Variants in EPHB1 observed in about 807,000 individuals in gnomAD.
EPHB1 encodes the protein EPH receptor B1.
EPHB1 carries 30 observed loss-of-function variants against 94.4 expected under a neutral mutation model. The ratio of observed to expected loss-of-function variants is 0.32; its 90% CI spans 0.24 to 0.43. EPHB1 has a LOEUF of 0.43. EPHB1 is among the 20% of genes least tolerant of loss of function. The pLI, the probability that EPHB1 is intolerant of heterozygous loss-of-function variation, is 1.00. For synonymous variants in EPHB1, 522 were observed against 489.1 expected (o/e 1.07, Z -0.89); for missense variants, 1,055 against 1,308.3 (o/e 0.81, Z 2.99).
intron 1 of EPHB1, among the ~76,000 whole-genome samples, chr3:134,892,412 G>C (rs1308949956): frequency 6.6e-6 from 1 of 152,196 alleles, no homozygotes; most frequent in Non-Finnish European, 1.5e-5. Flanking sequence ...TCCCAGGCTG[G>C]GATGCATACT....
chr3:135,171,789 T>C (rs1418513182), intron 9 of EPHB1, among the ~76,000 whole-genome samples: 1 of 152,220 alleles, frequency 6.6e-6, no homozygotes, highest in Non-Finnish European at 1.5e-5. Flanking sequence ...ACTTACTCTG[T>C]TAAACACTTT....
intron 1 of EPHB1, among the ~76,000 whole-genome samples, chr3:134,856,437 A>G (rs934221414): frequency 6.6e-6 from 1 of 152,232 alleles, no homozygotes; most frequent in African/African-American, 2.4e-5. Flanking sequence ...GTTGTAGAAG[A>G]GAGTGCAAAT....
intron 6 of EPHB1, among the ~76,000 whole-genome samples, chr3:135,157,115 A>G (rs1941377506): frequency 6.6e-6 from 1 of 152,266 alleles, no homozygotes; most frequent in South Asian, 2.1e-4. Flanking sequence ...AAAGGAAAAC[A>G]AAGAAGTTAA....
rs560895658 is a variant in EPHB1 at position 135,225,015 on chromosome 3, G to A, written c.2347-16133G>A. Among the ~76,000 whole-genome samples, 8 of 152,252 alleles carry A rather than the reference G, an allele frequency of 5.3e-5. No homozygotes were observed. In the East Asian group the frequency reaches 1.2e-3, roughly 22 times the overall value. On this transcript the variant is annotated intron_variant, in intron 12 of 15. Coordinates refer to ENST00000398015, the MANE Select transcript of EPHB1 (RefSeq NM_004441.5). The stretch of plus-strand genomic sequence containing the variant: ...CTGCCTGCACCTTTGATTTATATCT[G>A]TCTGGGATTTACTTGAGGGGAGGGG...
chr3:134,967,297 G>A (rs1300421999), intron 3 of EPHB1, among the ~76,000 whole-genome samples: 1 of 152,158 alleles, frequency 6.6e-6, no homozygotes, highest in Admixed American at 6.5e-5. Context: ...AGTCAGGGAG[G>A]AAGAAAGGAA....
intron 10 of EPHB1, among the ~76,000 whole-genome samples, chr3:135,180,384 GTAAGTTCTCCATTTCC>G (rs1942121537): frequency 6.6e-6 from 1 of 152,198 alleles, no homozygotes; most frequent in South Asian, 2.1e-4. Context: ...TTGCCATACT[GTAAGTTCTCCATTTCC>G]TATGTACATG....
chr3:135,253,509 G>C (rs1933223431), intron 15 of EPHB1, among the ~76,000 whole-genome samples: 1 of 151,930 alleles, frequency 6.6e-6, no homozygotes, highest in Non-Finnish European at 1.5e-5. Flanking sequence ...GTTTGTGAAA[G>C]ATCAGATAGT....
At chr3:134,832,710 G>T (rs888794247) in intron 1 of EPHB1, among the ~76,000 whole-genome samples, 4 of 152,002 alleles carry the variant, frequency 2.6e-5, no homozygotes, top group African/African-American at 9.7e-5. Flanking sequence ...TGATGTCATC[G>T]CACTCTAACT....
intron 2 of EPHB1, among the ~76,000 whole-genome samples, chr3:134,937,205 G>A (rs2039020612): frequency 6.6e-6 from 1 of 152,208 alleles, no homozygotes; most frequent in African/African-American, 2.4e-5. Flanking sequence ...TTTTCTCAAT[G>A]GAGGCAGAGT....
At chr3:134,936,571 G>C (rs9832922) in intron 2 of EPHB1, among the ~76,000 whole-genome samples, 51,841 of 151,344 alleles carry the variant, frequency 0.34, 9,222 homozygotes, top group Middle Eastern at 0.48. Context: ...GGCTGAACGC[G>C]CCCCCCCCTC....
In EPHB1 at chr3:135,019,448, G is replaced by A. The variant is rs188830820; in HGVS notation, c.805+67396G>A. Among the ~76,000 whole-genome samples the A allele has an allele frequency of 1.5e-3, 229 of 152,248 alleles. 3 individuals carry two copies. The highest frequency in any genetic ancestry group is 0.014 in the Admixed American group (209 of 15,304). On this transcript the variant is annotated intron_variant, in intron 3 of 15. Transcript: ENST00000398015. ...ATCTCTGCTGTCCAAAGACTTGCCT[G>A]TAGATGAATATGTCAGAAAAATGAC...
At chr3:134,927,545 G>A (rs2038818382) in intron 2 of EPHB1, among the ~76,000 whole-genome samples, 1 of 152,184 alleles carries the variant, frequency 6.6e-6, no homozygotes, top group South Asian at 2.1e-4. Context: ...TGGATATTAA[G>A]AATTTGCCAT....
rs536315723 is a variant in EPHB1, at chr3:135,250,451, G to T, written c.2846+960G>T. Among the ~76,000 whole-genome samples the T allele has an allele frequency of 8.5e-5, 13 of 152,190 alleles. No homozygotes were observed. The South Asian group carries it at 2.3e-3, about 27-fold the overall frequency. ...ACCTGTCCACCCCAGGGCCTCAGTG[G>T]TTCCCAGGCTTTGCTGCACACTGGA... On this transcript the variant is annotated intron_variant, in intron 15 of 15. Coordinates refer to ENST00000398015, the MANE Select transcript of EPHB1 (RefSeq NM_004441.5).
At chr3:135,040,371 C>T (rs758784406) in intron 3 of EPHB1, among the ~76,000 whole-genome samples, 1 of 152,204 alleles carries the variant, frequency 6.6e-6, no homozygotes, top group Non-Finnish European at 1.5e-5. Flanking sequence ...GCAGGGGTGT[C>T]TTAGGAATAG....
chr3:135,087,551 C>T (rs1429709707), intron 3 of EPHB1, among the ~76,000 whole-genome samples: 1 of 152,158 alleles, frequency 6.6e-6, no homozygotes, highest in African/African-American at 2.4e-5. Context: ...TGATGGGCAG[C>T]AGCCTGGCTG....
At chr3:134,987,696 G>A (rs982295745) in intron 3 of EPHB1, among the ~76,000 whole-genome samples, 12 of 152,206 alleles carry the variant, frequency 7.9e-5, no homozygotes, top group East Asian at 7.7e-4. Flanking sequence ...GCTTGAACCC[G>A]GGAAGCGCAG....
At chr3:135,005,230 A>C (rs568158791) in intron 3 of EPHB1, among the ~76,000 whole-genome samples, 206 of 152,320 alleles carry the variant, frequency 1.4e-3, no homozygotes, top group African/African-American at 4.6e-3. Flanking sequence ...GTGAAGTGTC[A>C]GTGTGCCCCT....
At chr3:135,096,306 A>G (rs1195627589) in intron 3 of EPHB1, among the ~76,000 whole-genome samples, 1 of 152,210 alleles carries the variant, frequency 6.6e-6, no homozygotes, top group Non-Finnish European at 1.5e-5. Flanking sequence ...TTAAGATCAC[A>G]CAGCTAGAAC....
intron 4 of EPHB1, among the ~76,000 whole-genome samples, chr3:135,111,002 T>A (rs191409475): frequency 3.4e-4 from 52 of 151,856 alleles, no homozygotes; most frequent in Admixed American, 3.3e-3. Flanking sequence ...GTGCATAGGG[T>A]TTAGAGGGTA....
Sources: gnomAD v4.1 joint callset for allele counts (sites outside exome capture counted in the v4.1 genomes callset) on GRCh38, gnomAD v4.1.1 for gene constraint, MANE v1.5 for transcripts, NCBI Gene and HGNC (gene_info 2026-07-23, HGNC 2026-07-21) for gene names.